CENPP: variants seen among roughly 807,000 people sequenced by gnomAD.
CENPP encodes centromere protein P.
A neutral mutation model predicts 35.6 loss-of-function variants in CENPP; 24 were observed. That is an observed-to-expected ratio of 0.67 (90% confidence interval 0.49 to 0.95). CENPP has a LOEUF of 0.95. Among genes scored for constraint, CENPP ranks in the 40% least tolerant of loss-of-function variants. CENPP has a pLI of 0.00. For synonymous variants in CENPP, 120 were observed against 125.5 expected, an observed-to-expected ratio of 0.96 and a Z score of 0.29; for missense variants, 332 against 345.3, an observed-to-expected ratio of 0.96 and a Z score of 0.31.
chr9:92,493,110 G>C (rs1475613727), intron 5 of CENPP, among the ~76,000 whole-genome samples: 1 of 152,204 alleles, frequency 6.6e-6, no homozygotes, highest in Admixed American at 6.5e-5. Context: ...GTTCTTGATG[G>C]ATTTTAAAAC....
At chr9:92,331,183 C>CT (rs1840734514) in intron 1 of CENPP, among the ~76,000 whole-genome samples, 1 of 152,036 alleles carries the variant, frequency 6.6e-6, no homozygotes, top group Admixed American at 6.6e-5. Flanking sequence ...TAATTTCTTT[C>CT]TTTTTTTATT....
chr9:92,595,745 A>G (rs928190776), intron 5 of CENPP, among the ~76,000 whole-genome samples: 11 of 151,710 alleles, frequency 7.3e-5, no homozygotes, highest in South Asian at 6.3e-4. Flanking sequence ...TATTTTTAGT[A>G]GAGACAGGGT....
rs180723703 is a variant in CENPP at position 92,546,846 on chromosome 9, T to C, written c.565-64468T>C. On this transcript the variant is annotated intron_variant, in intron 5 of 7. Coordinates refer to ENST00000375587, the MANE Select transcript of CENPP (RefSeq NM_001012267.3). Reference sequence around the variant, plus strand: ...GAAGAATCAGAAAATCTAAATTGTCTATAACTATTGAGGATATTGAGTTCA... The same window carrying C: ...GAAGAATCAGAAAATCTAAATTGTCCATAACTATTGAGGATATTGAGTTCA... Among the ~76,000 whole-genome samples the C allele has an allele frequency of 3.2e-4, 48 of 152,332 alleles. No homozygotes were observed. In the East Asian group the frequency reaches 7.9e-3, roughly 25 times the overall value.
chr9:92,498,998 G>A (rs1244225498), intron 5 of CENPP, among the ~76,000 whole-genome samples: 2 of 152,166 alleles, frequency 1.3e-5, no homozygotes, highest in Non-Finnish European at 2.9e-5. Context: ...ACCACGTCTC[G>A]TTCCCACTTG....
rs149652404 is a variant in CENPP, at chr9:92,374,022, G to T, written c.468-5741G>T. On this transcript the variant is annotated intron_variant, in intron 4 of 7. Transcript: ENST00000375587. ...CTTTTTTGGCATTTGCTTTTGTAAG[G>T]GAGGACTTTTTTCCTGAAAATGTAT... Among the ~76,000 whole-genome samples the T allele has an allele frequency of 2.2e-3, 333 of 151,424 alleles. 4 individuals carry two copies. The highest frequency in any genetic ancestry group is 7.5e-3 in the African/African-American group (311 of 41,256).
chr9:92,514,916 C>G (rs747910609), intron 5 of CENPP: 1 of 1,613,768 alleles, frequency 6.2e-7, no homozygotes, highest in Admixed American at 1.7e-5. Flanking sequence ...AGCCTCCTCT[C>G]CTCTCCAGGC....
chr9:92,617,533 G>A lies in CENPP; in HGVS notation c.*4384G>A. On this transcript the variant is annotated 3_prime_UTR_variant, in exon 8 of 8. Transcript: ENST00000375587. ...TACCCCGGAGGCCAAGACTGGGCAA[G>A]AGGCCCCAGGGACACACCTGTCCCT... is the stretch of plus-strand genomic sequence containing the variant. The A allele has an allele frequency of 6.6e-6, 1 of 152,614 alleles. No homozygotes were observed. Among genetic ancestry groups the A allele is most frequent in the South Asian group, 2.1e-4 (1 of 4,840 alleles). The allele number at this position is 152,614 out of a possible 1,614,324, so 9.5% of individuals were successfully genotyped here.
intron 5 of CENPP, among the ~76,000 whole-genome samples, chr9:92,583,721 A>G (rs1157328558): frequency 6.6e-6 from 1 of 152,168 alleles, no homozygotes; most frequent in African/African-American, 2.4e-5. Flanking sequence ...TGCTTTCAAA[A>G]TTTTCAAGCA....
intron 5 of CENPP, among the ~76,000 whole-genome samples, chr9:92,594,892 CTTTTTTTT>C (rs1213825480): frequency 9.5e-6 from 1 of 105,118 alleles, no homozygotes; most frequent in African/African-American, 3.6e-5. Flanking sequence ...GGTTGCTCTT[CTTTTTTTT>C]TTTTTTTTTT....
At chr9:92,372,574 T>C (rs1456871139) in intron 4 of CENPP, among the ~76,000 whole-genome samples, 1 of 152,234 alleles carries the variant, frequency 6.6e-6, no homozygotes, top group Non-Finnish European at 1.5e-5. Context: ...AATGTCATCC[T>C]TTCGCCTCCA....
intron 3 of CENPP, among the ~76,000 whole-genome samples, chr9:92,345,262 A>C (rs1386789964): frequency 6.6e-6 from 1 of 151,588 alleles, no homozygotes; most frequent in Non-Finnish European, 1.5e-5. Flanking sequence ...AAACAAAAAC[A>C]AAAACAAAAC....
chr9:92,539,362 C>T (rs1849264797), intron 5 of CENPP, among the ~76,000 whole-genome samples: 1 of 143,660 alleles, frequency 7.0e-6, no homozygotes, highest in African/African-American at 2.5e-5. Flanking sequence ...CCCCCCACCC[C>T]AACCCACTGC....
At chr9:92,377,433 GTCAGGATTAGGTTC>G (rs1304315769) in intron 4 of CENPP, among the ~76,000 whole-genome samples, 3 of 152,178 alleles carry the variant, frequency 2.0e-5, no homozygotes, top group South Asian at 2.1e-4. Flanking sequence ...TTTGACTGTT[GTCAGGATTAGGTTC>G]TCAGGCTAGT....
chr9:92,578,880 C>A (rs916804690), intron 5 of CENPP, among the ~76,000 whole-genome samples: 1 of 152,164 alleles, frequency 6.6e-6, no homozygotes, highest in Non-Finnish European at 1.5e-5. Context: ...TTGCCCATGC[C>A]TATGTCCTGA....
intron 5 of CENPP, among the ~76,000 whole-genome samples, chr9:92,551,968 G>A (rs1353285864): frequency 1.0e-5 from 1 of 97,946 alleles, no homozygotes; most frequent in African/African-American, 5.8e-5. Flanking sequence ...ATATATGTGT[G>A]ATATATATGT....
Position 92,618,096 on chromosome 9 carries a change from G to A in CENPP, c.*4947G>A, listed in dbSNP as rs1851499167. 2 of 375,366 alleles carry A rather than the reference G, an allele frequency of 5.3e-6. No homozygotes were observed. The highest frequency in any genetic ancestry group is 6.7e-5 in the Admixed American group (2 of 29,998). The allele number at this position is 375,366 out of a possible 1,614,324, so 23.3% of individuals were successfully genotyped here. ...GGCCTCTAGAGCACCACAGTTACTG[G>A]AACTTCACAGGTGCGGCCACTGCGC... On this transcript the variant is annotated 3_prime_UTR_variant, in exon 8 of 8. Coordinates refer to ENST00000375587, the MANE Select transcript of CENPP (RefSeq NM_001012267.3).
intron 4 of CENPP, among the ~76,000 whole-genome samples, chr9:92,346,269 C>T (rs1841292459): frequency 6.6e-6 from 1 of 152,090 alleles, no homozygotes; most frequent in Non-Finnish European, 1.5e-5. Flanking sequence ...TCAAGCAGTC[C>T]TCCTGCCTTA....
intron 4 of CENPP, among the ~76,000 whole-genome samples, chr9:92,371,407 A>ATG (rs1842001534): frequency 6.6e-6 from 1 of 152,212 alleles, no homozygotes; most frequent in South Asian, 2.1e-4. Context: ...ATTTCCATGT[A>ATG]TGTGTATAGC....
At chr9:92,469,858 A>G (rs533974561) in intron 5 of CENPP, among the ~76,000 whole-genome samples, 131 of 152,270 alleles carry the variant, frequency 8.6e-4, no homozygotes, top group Non-Finnish European at 1.6e-3. Context: ...AGACTTCGAA[A>G]TGATTTTTTT....
Sources: gnomAD v4.1 joint callset for allele counts (sites outside exome capture counted in the v4.1 genomes callset) on GRCh38, gnomAD v4.1.1 for gene constraint, MANE v1.5 for transcripts, NCBI Gene and HGNC (gene_info 2026-07-23, HGNC 2026-07-21) for gene names.